Variants in THSD7A observed in about 807,000 individuals in gnomAD.
THSD7A encodes thrombospondin type-1 domain-containing protein 7A.
Under a neutral mutation model 231.3 loss-of-function variants are expected in THSD7A, and 96 were observed. The observed-to-expected ratio is 0.41, with a 90% CI of 0.35 to 0.49. The LOEUF (loss-of-function observed/expected upper bound fraction) is 0.49. THSD7A is among the 20% of genes least tolerant of loss of function. The pLI, the probability that THSD7A is intolerant of heterozygous loss-of-function variation, is 0.05. For missense variants in THSD7A, 2,290 were observed against 2,070.2 expected (o/e 1.11, Z -2.06); for synonymous variants, 940 against 743.3 (o/e 1.26, Z -4.30).
intron 3 of THSD7A, among the ~76,000 whole-genome samples, chr7:11,592,699 G>A (rs918271174): frequency 1.3e-5 from 2 of 152,100 alleles, no homozygotes; most frequent in African/African-American, 4.8e-5. Context: ...GGAACTTAAA[G>A]TATCATTATT....
intron 6 of THSD7A, among the ~76,000 whole-genome samples, chr7:11,510,949 G>A (rs1343726749): frequency 6.6e-6 from 1 of 151,880 alleles, no homozygotes; most frequent in East Asian, 1.9e-4. Context: ...TCAGGCAGGA[G>A]CAACAAATAA....
At chr7:11,436,144 G>C (rs955210680) in intron 13 of THSD7A, among the ~76,000 whole-genome samples, 3 of 151,960 alleles carry the variant, frequency 2.0e-5, no homozygotes, top group African/African-American at 7.2e-5. Context: ...TTGAAAATCA[G>C]ATGCAGAGTT....
At position 11,373,142 on chromosome 7, in the gene THSD7A, TCATAA is replaced by T. The variant is rs1378234174; in HGVS notation, c.*2647_*2651del. On this transcript the variant is annotated 3_prime_UTR_variant, in exon 28 of 28. Transcript: ENST00000423059. ...TTAATTTATGAATAAAATGTATTTT[TCATAA>T]CATTCTATAATTTTGATTTGCTAAT... The T allele has an allele frequency of 6.6e-6, 1 of 151,986 alleles. No individual in the cohort carries two copies. Among genetic ancestry groups the T allele is most frequent in the Non-Finnish European group, 1.5e-5 (1 of 67,936 alleles). 9.4% of individuals were successfully genotyped at this position (151,986 alleles called of 1,614,324 possible). A position where few individuals can be genotyped will look rare whatever the true frequency, so the allele number is the denominator to read the frequency against.
rs1403503743 is a variant in THSD7A at position 11,831,665 on chromosome 7, C to T, written c.190+92G>A. ...TAGGATACCAGCATAACCAAGCCATCCAAAAGCACCGGGGTCCCTACAGAA... is the reference window on the plus strand; with the variant it reads ...TAGGATACCAGCATAACCAAGCCATTCAAAAGCACCGGGGTCCCTACAGAA... On this transcript the variant is annotated intron_variant, in intron 1 of 27. Transcript: ENST00000423059. This position sits in a 1 kb window ranked among gnomAD's most constrained non-coding sequence, Gnocchi z 5.0. 5.1e-6 allele frequency: 5 copies of T among 982,102 alleles called. No individual in the cohort carries two copies. The African/African-American group carries it at 6.8e-5, about 13-fold the overall frequency. 60.8% of individuals were successfully genotyped at this position (982,102 alleles called of 1,614,324 possible).
chr7:11,748,314 TGA>T (rs1316011613), intron 1 of THSD7A, among the ~76,000 whole-genome samples: 1 of 151,878 alleles, frequency 6.6e-6, no homozygotes, highest in Non-Finnish European at 1.5e-5. Flanking sequence ...GAGAGTGAGA[TGA>T]GGTTTGTTGT....
At chr7:11,821,767 T>C (rs1192855948) in intron 1 of THSD7A, among the ~76,000 whole-genome samples, 2 of 152,202 alleles carry the variant, frequency 1.3e-5, no homozygotes, top group Non-Finnish European at 2.9e-5. Context: ...ATTGTTCATA[T>C]AAGGGAACAC....
intron 1 of THSD7A, among the ~76,000 whole-genome samples, chr7:11,756,396 G>C (rs1205900516): frequency 3.9e-5 from 6 of 152,054 alleles, no homozygotes; most frequent in Non-Finnish European, 8.8e-5. Flanking sequence ...AAGAGGAGGA[G>C]AGAAAGAATG....
chr7:11,372,705 C>G lies in THSD7A; in HGVS notation c.*3089G>C, dbSNP rs1461788428. 3 of 151,986 alleles carry G rather than the reference C, an allele frequency of 2.0e-5. No individual in the cohort carries two copies. Among genetic ancestry groups the G allele is most frequent in the Non-Finnish European group, 4.4e-5 (3 of 67,972 alleles). 9.4% of individuals were successfully genotyped at this position (151,986 alleles called of 1,614,324 possible). Reference sequence around the variant, plus strand: ...ACCTTCATTCTAGGGAACAGCAGTTCTACATCTTTTACCCCCTCGGTGAGG... The same window carrying G: ...ACCTTCATTCTAGGGAACAGCAGTTGTACATCTTTTACCCCCTCGGTGAGG... On this transcript the variant is annotated 3_prime_UTR_variant, in exon 28 of 28. Coordinates refer to ENST00000423059, the MANE Select transcript of THSD7A (RefSeq NM_015204.3).
intron 1 of THSD7A, among the ~76,000 whole-genome samples, chr7:11,762,753 T>C (rs1782905432): frequency 6.6e-6 from 1 of 152,120 alleles, no homozygotes. Context: ...AAGTCCCATA[T>C]GAAGGTGAAA....
At position 11,406,818 on chromosome 7, in the gene THSD7A, A is replaced by G. The variant is rs1783597498; in HGVS notation, c.4062+92T>C. 6 of 1,430,510 alleles carry G rather than the reference A, an allele frequency of 4.2e-6. No homozygotes were observed. Among genetic ancestry groups the G allele is most frequent in the African/African-American group, 2.9e-5 (2 of 69,920 alleles). The allele number at this position is 1,430,510 out of a possible 1,614,324, so 88.6% of individuals were successfully genotyped here. ...GCTTGTCATCTGTGAGCTCTGAAACATATTTCTAACACATTATTTTTATGT... is the reference window on the plus strand; with the variant it reads ...GCTTGTCATCTGTGAGCTCTGAAACGTATTTCTAACACATTATTTTTATGT... On this transcript the variant is annotated intron_variant, in intron 21 of 27. Transcript: ENST00000423059. The surrounding 1 kb of genome is among the most constrained non-coding windows in gnomAD (Gnocchi z 4.7).
chr7:11,690,013 A>T (rs1298698501), intron 1 of THSD7A, among the ~76,000 whole-genome samples: 1 of 151,798 alleles, frequency 6.6e-6, no homozygotes, highest in Non-Finnish European at 1.5e-5. Flanking sequence ...TTAAATAGCA[A>T]ATGTGAACCT....
intron 1 of THSD7A, among the ~76,000 whole-genome samples, chr7:11,684,697 G>C (rs1287901842): frequency 6.6e-6 from 1 of 151,752 alleles, no homozygotes; most frequent in East Asian, 1.9e-4. Context: ...CTCTACAAGG[G>C]GGACTACCAA....
In THSD7A at chr7:11,424,804, CTG is replaced by C; in HGVS notation, c.3273_3274del (p.His1091GlnfsTer2). The C allele has an allele frequency of 6.2e-7, 1 of 1,614,040 alleles. No homozygotes were observed. Among genetic ancestry groups the C allele is most frequent in the Non-Finnish European group, 8.5e-7 (1 of 1,179,896 alleles). The stretch of plus-strand genomic sequence containing the variant: ...GACCCATAGGTACTGGTTGCAGTCA[CTG>C]TGGCATGGGACAACCTCATACACCT... On this transcript the variant is annotated frameshift_variant, in exon 16 of 28. Coordinates refer to ENST00000423059, the MANE Select transcript of THSD7A (RefSeq NM_015204.3). LOFTEE classifies it high-confidence loss of function.
chr7:11,542,053 C>T (rs769482635), intron 5 of THSD7A, among the ~76,000 whole-genome samples: 4 of 152,148 alleles, frequency 2.6e-5, no homozygotes, highest in Non-Finnish European at 4.4e-5. Context: ...GACAAAAGTG[C>T]TATTATTCTT....
chr7:11,481,797 C>A lies in THSD7A; in HGVS notation c.2008G>T (p.Gly670Cys). 6.3e-7 allele frequency: 1 copy of A among 1,598,498 alleles called. No individual in the cohort carries two copies. Among genetic ancestry groups the A allele is most frequent in the Non-Finnish European group, 8.5e-7 (1 of 1,171,428 alleles). Residue 670 changes from glycine (G) to cysteine (C), a missense_variant, in exon 7 of 28, where the codon GGT (glycine) becomes TGT (cysteine). Coordinates refer to ENST00000423059, the MANE Select transcript of THSD7A (RefSeq NM_015204.3). ...GAAGCTGGCGACTCACCTTCTTCAC[C>A]CGCATAGGCCAGAATGGATCGTGCT... ...IRARSILAYA[G>C]EEGGIRCPNS...
chr7:11,530,446 A>C (rs1788657385), intron 6 of THSD7A, among the ~76,000 whole-genome samples: 1 of 152,218 alleles, frequency 6.6e-6, no homozygotes, highest in Admixed American at 6.5e-5. Flanking sequence ...TCAGAGATTT[A>C]TTGACAATCT....
rs1790366003 is a variant in THSD7A, at chr7:11,566,969, G to GGGGC, written c.1453+23490_1453+23491insGCCC. On this transcript the variant is annotated intron_variant, in intron 4 of 27. Coordinates refer to ENST00000423059, the MANE Select transcript of THSD7A (RefSeq NM_015204.3). ...GTGGATCCAGCTGTGGGAGAGTGGG[G>GGGGC]GGGGGACTGACCAACAAAGTTTCCT... 9.5e-5 allele frequency among the ~76,000 whole-genome samples: 8 copies of GGGGC among 84,226 alleles called. 2 individuals are homozygous for GGGGC. Among genetic ancestry groups the GGGGC allele is most frequent in the Admixed American group, 1.0e-4 (1 of 9,734 alleles). 55.3% of individuals were successfully genotyped at this position (84,226 alleles called of 152,430 possible). A position where few individuals can be genotyped will look rare whatever the true frequency, so the allele number is the denominator to read the frequency against.
intron 4 of THSD7A, among the ~76,000 whole-genome samples, chr7:11,583,179 A>T (rs75183642): frequency 0.015 from 2,343 of 152,212 alleles, 27 homozygotes; most frequent in Middle Eastern, 0.027. Flanking sequence ...CTACTATTTT[A>T]AAAAATTGGT....
intron 1 of THSD7A, chr7:11,820,331 G>A (rs886603526): frequency 1.1e-5 from 9 of 851,482 alleles, no homozygotes; most frequent in Admixed American, 7.2e-5. Context: ...TCGGTTGTGG[G>A]CTGTAAATTG....
Sources: allele counts gnomAD v4.1 joint callset (sites outside exome capture counted in the v4.1 genomes callset), GRCh38; gene constraint gnomAD v4.1.1; non-coding constraint Gnocchi (gnomAD v3.1); transcripts MANE v1.5; gene names NCBI Gene and HGNC (gene_info 2026-07-23, HGNC 2026-07-21).